The following LRRC7 variants were observed in gnomAD, a reference collection of about 807,000 sequenced individuals.
The protein encoded by LRRC7 is leucine-rich repeat-containing protein 7.
Under a neutral mutation model 175.7 loss-of-function variants are expected in LRRC7, and 23 were observed. The observed-to-expected ratio is 0.13, with a 90% CI of 0.09 to 0.19. LRRC7 has a LOEUF of 0.19. Ranked by LOEUF, LRRC7 falls within the 10% of genes least tolerant of loss-of-function variation. The probability of loss-of-function intolerance (pLI) is 1.00; values close to 1 mark genes in which losing one functional copy is unlikely to be tolerated. For synonymous variants in LRRC7, 685 were observed against 680.9 expected (o/e 1.01, Z -0.09); for missense variants, 1,354 against 1,904.7 (o/e 0.71, Z 5.38).
At chr1:69,938,858 C>T (rs1648326652) in intron 8 of LRRC7, among the ~76,000 whole-genome samples, 1 of 151,410 alleles carries the variant, frequency 6.6e-6, no homozygotes, top group African/African-American at 2.4e-5. Context: ...AAGTTGTACA[C>T]ACTTTTTAAA....
At chr1:69,880,722 A>G (rs1218914623) in intron 7 of LRRC7, among the ~76,000 whole-genome samples, 2 of 152,204 alleles carry the variant, frequency 1.3e-5, no homozygotes, top group East Asian at 1.9e-4. Flanking sequence ...GTGAAATTCA[A>G]AGGACTTTCA....
In LRRC7 at chr1:70,038,245, T is replaced by C. The variant is rs1370301652; in HGVS notation, c.2421T>C (p.Thr807=). 6.2e-7 allele frequency: 1 copy of C among 1,614,178 alleles called. No individual in the cohort carries two copies. Residue 807 remains threonine (T), a synonymous_variant, in exon 21 of 27, where the codon ACT becomes ACC. Transcript: ENST00000651989. Reference sequence around the variant, plus strand: ...GTGATACTTTCACTGACAACTGGACTGATGGCTCGCATTATGACAACACAG... The same window carrying C: ...GTGATACTTTCACTGACAACTGGACCGATGGCTCGCATTATGACAACACAG... The part of the protein sequence containing the change: ...PMSDTFTDNW[T]DGSHYDNTGF...
intron 10 of LRRC7, among the ~76,000 whole-genome samples, chr1:69,992,634 G>A (rs551146746): frequency 6.6e-6 from 1 of 152,226 alleles, no homozygotes; most frequent in East Asian, 1.9e-4. Context: ...ATGAGTGTTG[G>A]CAAAATAGCC....
At chr1:70,035,163 A>C (rs367886561) in intron 18 of LRRC7, among the ~76,000 whole-genome samples, 1 of 152,182 alleles carries the variant, frequency 6.6e-6, no homozygotes, top group South Asian at 2.1e-4. Context: ...TTCTCATTTG[A>C]ATTAAAATTA....
chr1:69,858,662 G>C (rs1393536107), intron 7 of LRRC7, among the ~76,000 whole-genome samples: 2 of 152,022 alleles, frequency 1.3e-5, no homozygotes, highest in Non-Finnish European at 2.9e-5. Flanking sequence ...TTACACAGCA[G>C]GATCCAGATG....
At chr1:69,711,218 G>A (rs1395950552) in intron 2 of LRRC7, among the ~76,000 whole-genome samples, 1 of 152,300 alleles carries the variant, frequency 6.6e-6, no homozygotes, top group East Asian at 1.9e-4. Flanking sequence ...GAGTGTGGCT[G>A]TTTAAAATTT....
At chr1:69,942,723 C>T (rs1458418621) in intron 8 of LRRC7, among the ~76,000 whole-genome samples, 1 of 151,998 alleles carries the variant, frequency 6.6e-6, no homozygotes, top group African/African-American at 2.4e-5. Flanking sequence ...ACACTGGGCC[C>T]CCTCAGATAA....
chr1:69,994,446 T>G (rs12024870), intron 10 of LRRC7, 115 bp from the exon 11 acceptor site: 44,693 of 780,666 alleles, frequency 0.057, 1,466 homozygotes, highest in South Asian at 0.1. Context: ...TTAGCAGAGT[T>G]TGGCCAATTA....
chr1:69,724,936 C>A (rs34148350), intron 2 of LRRC7, among the ~76,000 whole-genome samples: 12,152 of 151,976 alleles, frequency 0.08, 535 homozygotes, highest in East Asian at 0.13. Context: ...TATACTATTA[C>A]AAATACAGTT....
intron 3 of LRRC7, among the ~76,000 whole-genome samples, chr1:69,789,489 G>A (rs957432410): frequency 6.6e-5 from 10 of 151,734 alleles, no homozygotes; most frequent in South Asian, 2.1e-4. Context: ...CAAAGCTTTC[G>A]AATCTTGAAA....
rs140875758 is a variant in LRRC7, at chr1:69,868,669, T to C, written c.647+30386T>C. 9.0e-3 allele frequency among the ~76,000 whole-genome samples: 1,373 copies of C among 152,178 alleles called. 25 individuals are homozygous for C. Among genetic ancestry groups the C allele is most frequent in the African/African-American group, 0.031 (1,299 of 41,526 alleles). On this transcript the variant is annotated intron_variant, in intron 7 of 26. Coordinates refer to ENST00000651989, the MANE Select transcript of LRRC7 (RefSeq NM_001370785.2). ...GCTCTGGGAAACTCTTGAAGAAATA[T>C]ACATAATGCATGTATTCATTTGCTA...
chr1:69,944,966 C>A (rs759427583), intron 8 of LRRC7, among the ~76,000 whole-genome samples: 1 of 152,006 alleles, frequency 6.6e-6, no homozygotes, highest in Non-Finnish European at 1.5e-5. Context: ...GTTGTCTCTT[C>A]ACTCTGTTGA....
chr1:69,853,524 A>G (rs930739859), intron 7 of LRRC7, among the ~76,000 whole-genome samples: 1 of 151,796 alleles, frequency 6.6e-6, no homozygotes, highest in African/African-American at 2.4e-5. Flanking sequence ...TGATCCGCCC[A>G]CCTTGGCCTC....
intron 1 of LRRC7, among the ~76,000 whole-genome samples, chr1:69,590,783 C>T (rs1646598569): frequency 6.6e-6 from 1 of 151,966 alleles, no homozygotes; most frequent in East Asian, 1.9e-4. Flanking sequence ...GTTCTTTAGT[C>T]CAGGCTTGAT....
chr1:69,717,940 GA>G (rs1557642124), intron 2 of LRRC7, among the ~76,000 whole-genome samples: 1 of 75,934 alleles, frequency 1.3e-5, no homozygotes, highest in South Asian at 4.1e-4. Context: ...AAGAAAGAAA[GA>G]AAGAAAGAAA....
intron 4 of LRRC7, among the ~76,000 whole-genome samples, chr1:69,799,794 G>C (rs1343888485): frequency 6.6e-6 from 1 of 151,994 alleles, no homozygotes. Flanking sequence ...AATCTCAAAA[G>C]GTCTTAAGTC....
intron 1 of LRRC7, among the ~76,000 whole-genome samples, chr1:69,635,685 T>G (rs181145334): frequency 6.6e-6 from 1 of 152,136 alleles, no homozygotes; most frequent in East Asian, 1.9e-4. Context: ...ATAATAACAA[T>G]TTAGAACAAA....
chr1:70,044,990 G>C (rs1267554256), intron 22 of LRRC7, among the ~76,000 whole-genome samples: 1 of 152,010 alleles, frequency 6.6e-6, no homozygotes, highest in Non-Finnish European at 1.5e-5. Context: ...TTAATAAAAT[G>C]AATGAACATT....
intron 1 of LRRC7, among the ~76,000 whole-genome samples, chr1:69,655,794 G>C (rs958331847): frequency 1.3e-5 from 2 of 152,000 alleles, no homozygotes; most frequent in Non-Finnish European, 2.9e-5. Flanking sequence ...CACATTACAT[G>C]TAAATGATTT....
Sources: allele counts gnomAD v4.1 joint callset (sites outside exome capture counted in the v4.1 genomes callset), GRCh38; gene constraint gnomAD v4.1.1; transcripts MANE v1.5; gene names NCBI Gene and HGNC (gene_info 2026-07-23, HGNC 2026-07-21).